BRIP1: variants seen among roughly 807,000 people sequenced by gnomAD.
BRIP1 encodes the protein BRCA1 interacting DNA helicase 1.
Under a neutral mutation model 119.7 loss-of-function variants are expected in BRIP1, and 88 were observed. The ratio of observed to expected loss-of-function variants is 0.74; its 90% CI spans 0.62 to 0.88. The LOEUF (loss-of-function observed/expected upper bound fraction) is 0.88, where lower values mean the gene tolerates loss of function less well. Ranked by LOEUF, BRIP1 falls within the 40% of genes least tolerant of loss-of-function variation. The pLI is 0.00. For synonymous variants in BRIP1, 443 were observed against 496.5 expected (o/e 0.89, Z 1.43); for missense variants, 1,259 against 1,455.4 (o/e 0.87, Z 2.20).
At chr17:61,787,813 T>G (rs1437047396) in intron 10 of BRIP1, among the ~76,000 whole-genome samples, 1 of 151,928 alleles carries the variant, frequency 6.6e-6, no homozygotes, top group Non-Finnish European at 1.5e-5. Flanking sequence ...CCCGGCTAAT[T>G]TTTTGTATTT....
At chr17:61,723,168 T>C (rs1323069486) in intron 16 of BRIP1, among the ~76,000 whole-genome samples, 2 of 152,206 alleles carry the variant, frequency 1.3e-5, no homozygotes, top group Admixed American at 6.5e-5. Context: ...CACTTAGGGA[T>C]TATCAAGCAT....
chr17:61,766,285 G>A (rs2077372535), intron 14 of BRIP1, among the ~76,000 whole-genome samples: 1 of 152,018 alleles, frequency 6.6e-6, no homozygotes, highest in Non-Finnish European at 1.5e-5. Context: ...ATAAACAAAG[G>A]AACAAACAAA....
rs377605358 is a variant in BRIP1 at position 61,849,038 on chromosome 17, A to G, written c.507+91T>C. 159 of 1,388,470 alleles carry G rather than the reference A, an allele frequency of 1.1e-4. 2 individuals carry two copies. The East Asian group carries it at 2.0e-3, about 17-fold the overall frequency. The allele number at this position is 1,388,470 out of a possible 1,614,324, so 86.0% of individuals were successfully genotyped here. ...TTTATGGCTGTCACATGACCCAACT[A>G]ATCTCCACAAGTGCATTAAAAACAT... On this transcript the variant is annotated intron_variant, in intron 5 of 19. Transcript: ENST00000259008.
intron 16 of BRIP1, among the ~76,000 whole-genome samples, chr17:61,741,108 T>C (rs1319644583): frequency 6.6e-6 from 1 of 152,232 alleles, no homozygotes; most frequent in East Asian, 1.9e-4. Flanking sequence ...ATTTCAACAA[T>C]GTTCACAGCA....
intron 4 of BRIP1, among the ~76,000 whole-genome samples, chr17:61,850,008 A>T (rs574718686): frequency 6.6e-6 from 1 of 152,166 alleles, no homozygotes; most frequent in South Asian, 2.1e-4. Flanking sequence ...CCTAAATATA[A>T]ATATTCTTAA....
intron 14 of BRIP1, among the ~76,000 whole-genome samples, chr17:61,764,463 A>G (rs1236157589): frequency 6.6e-6 from 1 of 152,148 alleles, no homozygotes; most frequent in Non-Finnish European, 1.5e-5. Context: ...GACCTCTGGG[A>G]TAAGTATATT....
rs867855536 is a variant in BRIP1, at chr17:61,704,659, T to G, written c.2493-11147A>C. Among the ~76,000 whole-genome samples the G allele has an allele frequency of 6.6e-6, 1 of 152,200 alleles. No homozygotes were observed. The highest frequency in any genetic ancestry group is 1.5e-5 in the Non-Finnish European group (1 of 68,024). On this transcript the variant is annotated intron_variant, in intron 17 of 19. Transcript: ENST00000259008. The surrounding 1 kb of genome is among the most constrained non-coding windows in gnomAD (Gnocchi z 5.7). ...TTCTATTTATTTGCTAGATAGCTAT[T>G]CATGTTATCTATTTCATCTTGGGTG... is the stretch of plus-strand genomic sequence containing the variant.
rs1229336326 is a variant in BRIP1 at position 61,822,478 on chromosome 17, C to T, written c.628-13721G>A. Among the ~76,000 whole-genome samples the T allele has an allele frequency of 6.6e-6, 1 of 151,988 alleles. No individual in the cohort carries two copies. The highest frequency in any genetic ancestry group is 2.4e-5 in the African/African-American group (1 of 41,380). Reference sequence around the variant, plus strand: ...CCTCTGGGAAAAATGCACCAAAAAGCGCCAAGGAAGAAAGGGAACTGGACA... The same window carrying T: ...CCTCTGGGAAAAATGCACCAAAAAGTGCCAAGGAAGAAAGGGAACTGGACA... On this transcript the variant is annotated intron_variant, in intron 6 of 19. Coordinates refer to ENST00000259008, the MANE Select transcript of BRIP1 (RefSeq NM_032043.3). The surrounding 1 kb of genome is among the most constrained non-coding windows in gnomAD (Gnocchi z 4.4).
At chr17:61,817,543 A>T (rs938813161) in intron 6 of BRIP1, among the ~76,000 whole-genome samples, 2 of 152,222 alleles carry the variant, frequency 1.3e-5, no homozygotes, top group Admixed American at 1.3e-4. Flanking sequence ...TTATTATTAC[A>T]TACAAGTCTC....
rs913496664 is a variant in BRIP1 at position 61,699,037 on chromosome 17, A to T, written c.2493-5525T>A. The stretch of plus-strand genomic sequence containing the variant: ...TCATTATAAAATGTTAATTGTTTCT[A>T]TTAACTTTTTTTTGTCTTAAGGGTC... On this transcript the variant is annotated intron_variant, in intron 17 of 19. Coordinates refer to ENST00000259008, the MANE Select transcript of BRIP1 (RefSeq NM_032043.3). This position sits in a 1 kb window ranked among gnomAD's most constrained non-coding sequence, Gnocchi z 4.8. Among the ~76,000 whole-genome samples, 6 of 152,080 alleles carry T rather than the reference A, an allele frequency of 3.9e-5. No homozygotes were observed. Among genetic ancestry groups the T allele is most frequent in the African/African-American group, 1.4e-4 (6 of 41,412 alleles).
intron 6 of BRIP1, among the ~76,000 whole-genome samples, chr17:61,829,847 G>A (rs1364945039): frequency 1.3e-5 from 2 of 151,754 alleles, no homozygotes; most frequent in Non-Finnish European, 2.9e-5. Flanking sequence ...AGTGCTTAGA[G>A]GGAAATGTAT....
In BRIP1 at chr17:61,693,426, T is replaced by C. The variant is rs758858747; in HGVS notation, c.2575+4A>G. On this transcript the variant is annotated splice_donor_region_variant and intron_variant, in intron 18 of 19. Transcript: ENST00000259008. The surrounding 1 kb of genome is among the most constrained non-coding windows in gnomAD (Gnocchi z 4.2). The stretch of plus-strand genomic sequence containing the variant: ...TTTTACTCTAAGCCCAGCTGAGATC[T>C]TACCAGATATATAGCGACTTGGGTT... 3 of 1,610,566 alleles carry C rather than the reference T, an allele frequency of 1.9e-6. No homozygotes were observed. The highest frequency in any genetic ancestry group is 2.5e-6 in the Non-Finnish European group (3 of 1,176,934).
In BRIP1 at chr17:61,776,338, A is replaced by G. The variant is rs1291478932; in HGVS notation, c.2097+63T>C. 1.3e-6 allele frequency: 2 copies of G among 1,584,736 alleles called. No homozygotes were observed. The highest frequency in any genetic ancestry group is 1.7e-6 in the Non-Finnish European group (2 of 1,153,962). ...TTACTGTGGTAATTTTAAAATTAGC[A>G]TGCCAATGTTTAAAATGTAAATGAT... On this transcript the variant is annotated intron_variant, in intron 14 of 19. Transcript: ENST00000259008. This position sits in a 1 kb window ranked among gnomAD's most constrained non-coding sequence, Gnocchi z 5.0.
Position 61,757,951 on chromosome 17 carries a change from AC to A in BRIP1, c.2098-13361del, listed in dbSNP as rs2077222588. On this transcript the variant is annotated intron_variant, in intron 14 of 19. Transcript: ENST00000259008. This position sits in a 1 kb window ranked among gnomAD's most constrained non-coding sequence, Gnocchi z 4.3. ...AAGACTACAGTGAGCCAGTGATTGT[AC>A]CACCACATTCTAGCCTGGGCAACAG... Among the ~76,000 whole-genome samples the A allele has an allele frequency of 6.6e-6, 1 of 151,932 alleles. No individual in the cohort carries two copies. The highest frequency in any genetic ancestry group is 2.1e-4 in the South Asian group (1 of 4,818).
rs745464562 is a variant in BRIP1 at position 61,775,406 on chromosome 17, A to T, written c.2097+995T>A. On this transcript the variant is annotated intron_variant, in intron 14 of 19. Transcript: ENST00000259008. This position sits in a 1 kb window ranked among gnomAD's most constrained non-coding sequence, Gnocchi z 4.4. ...ATAAAAAGACAGTAGAAGAGTCAAAAGTATCAATATTGTCATTCAAATATA... is the reference window on the plus strand; with the variant it reads ...ATAAAAAGACAGTAGAAGAGTCAAATGTATCAATATTGTCATTCAAATATA... Among the ~76,000 whole-genome samples the T allele has an allele frequency of 5.7e-4, 87 of 152,158 alleles. No individual in the cohort carries two copies. Among genetic ancestry groups the T allele is most frequent in the Non-Finnish European group, 1.1e-3 (72 of 68,014 alleles).
chr17:61,741,639 CCA>C (rs1161536145), intron 16 of BRIP1, among the ~76,000 whole-genome samples: 8 of 152,278 alleles, frequency 5.3e-5, no homozygotes, highest in African/African-American at 1.9e-4. Flanking sequence ...TCTTGAGTGA[CCA>C]CATGTGTGGT....
intron 11 of BRIP1, among the ~76,000 whole-genome samples, chr17:61,783,630 G>C (rs1439298666): frequency 1.3e-5 from 2 of 151,958 alleles, no homozygotes; most frequent in African/African-American, 4.8e-5. Context: ...CAGGATGAGA[G>C]GGATTGGTTG....
rs1224695947 is a variant in BRIP1, at chr17:61,766,908, T to G, written c.2097+9493A>C. On this transcript the variant is annotated intron_variant, in intron 14 of 19. Transcript: ENST00000259008. ...ATGGACAGAAACTTCTCTGTCCATA[T>G]AAAGAGTTTAGAAACTCTTCTACCC... Among the ~76,000 whole-genome samples the G allele has an allele frequency of 4.6e-5, 7 of 152,234 alleles. 1 individual carries two copies. In the East Asian group the frequency reaches 1.2e-3, roughly 25 times the overall value.
rs1237597943 is a variant in BRIP1 at position 61,693,272 on chromosome 17, A to G, written c.2575+158T>C. Among the ~76,000 whole-genome samples the G allele has an allele frequency of 6.6e-6, 1 of 152,166 alleles. No individual in the cohort carries two copies. Among genetic ancestry groups the G allele is most frequent in the Non-Finnish European group, 1.5e-5 (1 of 68,018 alleles). On this transcript the variant is annotated intron_variant, in intron 18 of 19. Transcript: ENST00000259008. The surrounding 1 kb of genome is among the most constrained non-coding windows in gnomAD (Gnocchi z 4.2). ...TTAAGTTTCAGTTATGTAAGATTTA[A>G]AAGTTCTAGATATCTGCTGTGAAAT...
Sources: allele counts gnomAD v4.1 joint callset (sites outside exome capture counted in the v4.1 genomes callset), GRCh38; gene constraint gnomAD v4.1.1; non-coding constraint Gnocchi (gnomAD v3.1); transcripts MANE v1.5; gene names NCBI Gene and HGNC (gene_info 2026-07-23, HGNC 2026-07-21).